The following VWA8 variants were observed in gnomAD, a reference collection of about 807,000 sequenced individuals.
The protein encoded by VWA8 is von Willebrand factor A domain-containing protein 8.
In VWA8, 221 loss-of-function variants were observed where a neutral mutation model predicts 241.5. The ratio of observed to expected loss-of-function variants is 0.91; its 90% CI spans 0.82 to 1.02. The LOEUF (loss-of-function observed/expected upper bound fraction) is 1.02, where lower values mean the gene tolerates loss of function less well. Among genes scored for constraint, VWA8 ranks in the 50% least tolerant of loss-of-function variants. The pLI is 0.00. For missense variants in VWA8, 2,322 were observed against 2,328.7 expected (o/e 1.00, Z 0.06); for synonymous variants, 852 against 827.1 (o/e 1.03, Z -0.52).
intron 9 of VWA8, among the ~76,000 whole-genome samples, chr13:41,880,342 A>T (rs1264943371): frequency 6.6e-6 from 1 of 152,112 alleles, no homozygotes; most frequent in Non-Finnish European, 1.5e-5. Context: ...ATTTGAGAGT[A>T]AGCTGCAGAT....
intron 36 of VWA8, among the ~76,000 whole-genome samples, chr13:41,671,546 C>T (rs907939278): frequency 6.6e-6 from 1 of 151,620 alleles, no homozygotes; most frequent in Non-Finnish European, 1.5e-5. Context: ...GTATCCGCAT[C>T]CCCCCGCCCG....
At chr13:41,668,109 A>G (rs2137796425) in intron 37 of VWA8, among the ~76,000 whole-genome samples, 1 of 152,372 alleles carries the variant, frequency 6.6e-6, no homozygotes, top group East Asian at 1.9e-4. Context: ...ACATTTAATT[A>G]TTAATATACT....
At chr13:41,672,481 C>A (rs2045032735) in intron 36 of VWA8, among the ~76,000 whole-genome samples, 1 of 152,068 alleles carries the variant, frequency 6.6e-6, no homozygotes, top group South Asian at 2.1e-4. Context: ...AATAAATAGT[C>A]TAAAGAGATG....
intron 14 of VWA8, among the ~76,000 whole-genome samples, chr13:41,820,977 G>A (rs957220315): frequency 6.6e-6 from 1 of 152,182 alleles, no homozygotes; most frequent in Admixed American, 6.5e-5. Context: ...AATTAAAGCT[G>A]CAGATGTAGT....
intron 20 of VWA8, among the ~76,000 whole-genome samples, chr13:41,771,934 A>G (rs1593761029): frequency 8.8e-6 from 1 of 114,020 alleles, no homozygotes; most frequent in African/African-American, 3.5e-5. Context: ...TTCCTGGCCC[A>G]GGGTGGAGTG....
At chr13:41,872,472 T>C (rs1357416584) in intron 9 of VWA8, among the ~76,000 whole-genome samples, 1 of 152,024 alleles carries the variant, frequency 6.6e-6, no homozygotes, top group Non-Finnish European at 1.5e-5. Flanking sequence ...TCATCTTGAA[T>C]TGATTTTTGT....
intron 26 of VWA8, among the ~76,000 whole-genome samples, chr13:41,711,702 G>T (rs187542192): frequency 2.0e-5 from 3 of 151,952 alleles, no homozygotes; most frequent in African/African-American, 7.3e-5. Flanking sequence ...GTGAAACCCC[G>T]TCTCTACTAA....
At chr13:41,658,804 CT>C (rs750249731) in intron 37 of VWA8, among the ~76,000 whole-genome samples, 11 of 152,180 alleles carry the variant, frequency 7.2e-5, no homozygotes, top group Admixed American at 1.3e-4. Context: ...TGGTTCAGTT[CT>C]TGGGCTATAG....
intron 14 of VWA8, among the ~76,000 whole-genome samples, chr13:41,821,682 GAT>G (rs1870966650): frequency 6.6e-6 from 1 of 151,974 alleles, no homozygotes; most frequent in South Asian, 2.1e-4. Flanking sequence ...CAGACAAAAA[GAT>G]ATTATTTCCT....
At chr13:41,820,632 A>G (rs1005093954) in intron 14 of VWA8, among the ~76,000 whole-genome samples, 1 of 152,228 alleles carries the variant, frequency 6.6e-6, no homozygotes, top group African/African-American at 2.4e-5. Flanking sequence ...CAGGTGTTTT[A>G]GCAGGGCCTG....
rs573083558 is a variant in VWA8 at position 41,748,394 on chromosome 13, T to G, written c.2426+12734A>C. 1.1e-4 allele frequency among the ~76,000 whole-genome samples: 16 copies of G among 152,312 alleles called. No homozygotes were observed. The East Asian group carries it at 3.1e-3, about 29-fold the overall frequency. ...TTCTAGTTTATTTGCGTAGAGGTGT[T>G]TATAGTATTCTCTGATGGTAGTTTG... On this transcript the variant is annotated intron_variant, in intron 21 of 44. Transcript: ENST00000379310.
chr13:41,597,531 G>A (rs138067542), intron 40 of VWA8, among the ~76,000 whole-genome samples: 81 of 152,150 alleles, frequency 5.3e-4, no homozygotes, highest in African/African-American at 1.9e-3. Flanking sequence ...AATCATCTAT[G>A]GTGATTCTCA....
Position 41,787,489 on chromosome 13 carries a change from T to G in VWA8, c.2118A>C (p.Thr706=). 6.2e-7 allele frequency: 1 copy of G among 1,612,850 alleles called. No homozygotes were observed. Among genetic ancestry groups the G allele is most frequent in the Non-Finnish European group, 8.5e-7 (1 of 1,179,412 alleles). ...AATTGTCATCAGTATTTATTTCTAT[T>G]GTAGCATCTGCCAGATTTTTTTCTA... ...SALEKNLADA[T]IEINTDDNLE... Residue 706 remains threonine (T), a synonymous_variant, in exon 18 of 45, where the codon ACA becomes ACC. Coordinates refer to ENST00000379310, the MANE Select transcript of VWA8 (RefSeq NM_015058.2).
intron 42 of VWA8, among the ~76,000 whole-genome samples, chr13:41,583,406 G>A (rs1453623751): frequency 6.6e-6 from 1 of 152,208 alleles, no homozygotes; most frequent in South Asian, 2.1e-4. Context: ...CACTTTGGGG[G>A]GCCAAAGCGG....
chr13:41,828,104 A>G (rs1871258053), intron 14 of VWA8, among the ~76,000 whole-genome samples: 1 of 152,204 alleles, frequency 6.6e-6, no homozygotes. Flanking sequence ...ACCATTTACC[A>G]GTCTAAAAGA....
chr13:41,626,827 C>T (rs950871856), intron 37 of VWA8, among the ~76,000 whole-genome samples: 1 of 152,056 alleles, frequency 6.6e-6, no homozygotes, highest in African/African-American at 2.4e-5. Flanking sequence ...TAGACAAAAA[C>T]CTAGGAAATA....
chr13:41,768,135 C>A (rs1042330960), intron 20 of VWA8, among the ~76,000 whole-genome samples: 2 of 152,194 alleles, frequency 1.3e-5, no homozygotes, highest in Non-Finnish European at 2.9e-5. Flanking sequence ...GCCTTGGGAT[C>A]CCCAGGCTGC....
At chr13:41,741,125 G>A (rs529237718) in intron 21 of VWA8, among the ~76,000 whole-genome samples, 2 of 152,080 alleles carry the variant, frequency 1.3e-5, no homozygotes, top group East Asian at 1.9e-4. Context: ...GTATTTTAAC[G>A]ATCTCATTCT....
rs758474813 is a variant in VWA8, at chr13:41,833,475, A to T, written c.1482T>A (p.Thr494=). 1.2e-6 allele frequency: 2 copies of T among 1,613,906 alleles called. No homozygotes were observed. Among genetic ancestry groups the T allele is most frequent in the East Asian group, 4.5e-5 (2 of 44,884 alleles). Residue 494 remains threonine (T), a synonymous_variant, in exon 13 of 45, where the codon ACT becomes ACA. Transcript: ENST00000379310. ...TCACAAGGGGTGAGGACCGCCAGGC[A>T]GTGTCTCCATTTGGAAGGGTGTATC... ...QQRYTLPNGD[T]AWRSSPLVNA... is the part of the protein sequence containing the mutation.
Sources: gnomAD v4.1 joint callset for allele counts (sites outside exome capture counted in the v4.1 genomes callset) on GRCh38, gnomAD v4.1.1 for gene constraint, MANE v1.5 for transcripts, NCBI Gene and HGNC (gene_info 2026-07-23, HGNC 2026-07-21) for gene names.